Variants in LRFN1 observed in about 807,000 individuals in gnomAD.
LRFN1 encodes the protein leucine-rich repeat and fibronectin type III domain-containing protein 1.
A neutral mutation model predicts 31.8 loss-of-function variants in LRFN1; 20 were observed. The ratio of observed to expected loss-of-function variants is 0.63; its 90% CI spans 0.44 to 0.91. The LOEUF (loss-of-function observed/expected upper bound fraction) is 0.91, where lower values mean the gene tolerates loss of function less well. Among genes scored for constraint, LRFN1 ranks in the 40% least tolerant of loss-of-function variants. LRFN1 has a pLI of 0.00. For missense variants in LRFN1, 912 were observed against 1,129.8 expected (o/e 0.81, Z 2.76); for synonymous variants, 514 against 541.3 (o/e 0.95, Z 0.70).
In LRFN1 at chr19:39,314,535, G is replaced by C. The variant is rs777908058; in HGVS notation, c.802C>G (p.Arg268Gly). 2.5e-6 allele frequency: 4 copies of C among 1,609,652 alleles called. No individual in the cohort carries two copies. In the African/African-American group the frequency reaches 5.3e-5, roughly 21 times the overall value. The change falls in exon 4 of 5, where the codon CGC (arginine) becomes GGC (glycine). Residue 268 changes from arginine (R) to glycine (G), a missense_variant. Physicochemically the swap from Arg to Gly is moderately radical, Grantham distance 125. Around this residue, in one of 2 missense-constraint regions of LRFN1, gnomAD observed 401 missense variants for 572.7 expected, o/e 0.70. Coordinates refer to ENST00000248668, the MANE Select transcript of LRFN1 (RefSeq NM_020862.2). Reference sequence around the variant, plus strand: ...GCGCAGGTCTCTAAGTCGTCCTCGCGGGTCAGCCGCCGCAGCCAGAGCAGC... The same window carrying C: ...GCGCAGGTCTCTAAGTCGTCCTCGCCGGTCAGCCGCCGCAGCCAGAGCAGC... Reference protein sequence around the residue: ...CELLWLRRLTREDDLETCATP... With the variant: ...CELLWLRRLTGEDDLETCATP...
Position 39,307,033 on chromosome 19 carries a change from G to A in LRFN1, c.*600C>T, listed in dbSNP as rs1325588621. On this transcript the variant is annotated 3_prime_UTR_variant, in exon 5 of 5. Transcript: ENST00000248668. The surrounding 1 kb of genome is among the most constrained non-coding windows in gnomAD (Gnocchi z 6.7). ...GAGGGCCGAGGGACAAGAGACGACA[G>A]GACAGAGAGAAAGGAGAGGCAAATA... 1.8e-5 allele frequency: 6 copies of A among 342,140 alleles called. No individual in the cohort carries two copies. Among genetic ancestry groups the A allele is most frequent in the Admixed American group, 9.6e-5 (2 of 20,814 alleles). 21.2% of individuals were successfully genotyped at this position (342,140 alleles called of 1,614,324 possible).
Position 39,314,380 on chromosome 19 carries a change from C to T in LRFN1, c.957G>A (p.Leu319=). 1 of 1,591,828 alleles carries T rather than the reference C, an allele frequency of 6.3e-7. No homozygotes were observed. Among genetic ancestry groups the T allele is most frequent in the Non-Finnish European group, 8.5e-7 (1 of 1,171,118 alleles). ...CGGGGTCACCCACCGCTCGGCAGCG[C>T]AGGCTCACCGCCTGGCCTTCCACCA... ...ALVVEGQAVS[L]RCRAVGDPEP... Residue 319 remains leucine, a synonymous_variant, in exon 4 of 5, where the codon CTG becomes CTA. Transcript: ENST00000248668.
At chr19:39,310,018 C>T (rs1380344829) in intron 4 of LRFN1, among the ~76,000 whole-genome samples, 4 of 152,144 alleles carry the variant, frequency 2.6e-5, no homozygotes, top group South Asian at 2.1e-4. Flanking sequence ...AGTACAATGA[C>T]GCGATCTCGG....
intron 4 of LRFN1, among the ~76,000 whole-genome samples, chr19:39,310,118 T>C (rs1192703918): frequency 6.6e-6 from 1 of 152,068 alleles, no homozygotes; most frequent in African/African-American, 2.4e-5. Context: ...CCACCACACC[T>C]GGCTAATTTT....
Position 39,307,927 on chromosome 19 carries a change from GGATCGGCTCCTTCGA to G in LRFN1, c.2007_2021del (p.Arg670_Ser674del), listed in dbSNP as rs1370213741. On this transcript the variant is annotated inframe_deletion, in exon 5 of 5. Transcript: ENST00000248668. This position sits in a 1 kb window ranked among gnomAD's most constrained non-coding sequence, Gnocchi z 6.7. Reference sequence around the variant, plus strand: ...CCGAGGTTGGTGGCTCCAGGGCGCCGGATCGGCTCCTTCGAGGGCCCACCGCGGCCCGAGACTCCT... The same window carrying G: ...CCGAGGTTGGTGGCTCCAGGGCGCCGGGGCCCACCGCGGCCCGAGACTCCT... 2.7e-5 allele frequency: 43 copies of G among 1,568,622 alleles called. No homozygotes were observed. Among genetic ancestry groups the G allele is most frequent in the Non-Finnish European group, 3.5e-5 (41 of 1,165,200 alleles).
In LRFN1 at chr19:39,314,389, C is replaced by A. The variant is rs369189450; in HGVS notation, c.948G>T (p.Ala316=). 2.1e-5 allele frequency: 34 copies of A among 1,594,818 alleles called. No individual in the cohort carries two copies. In the African/African-American group the frequency reaches 3.1e-4, roughly 14 times the overall value. The part of the protein sequence containing the change: ...GGRALVVEGQ[A]VSLRCRAVGD... The stretch of plus-strand genomic sequence containing the variant: ...CCACCGCTCGGCAGCGCAGGCTCAC[C>A]GCCTGGCCTTCCACCACCAGGGCCC... The change falls in exon 4 of 5, where the codon GCG becomes GCT. Residue 316 remains alanine, a synonymous_variant. Transcript: ENST00000248668.
chr19:39,308,035 G>T lies in LRFN1; in HGVS notation c.1914C>A (p.Val638=). The T allele has an allele frequency of 6.5e-7, 1 of 1,543,088 alleles. No individual in the cohort carries two copies. Reference sequence around the variant, plus strand: ...CCGAGCCGCCCAGAGAACGTCCAAGGACCACCTCCGGCTCCGCGGATGCCG... The same window carrying T: ...CCGAGCCGCCCAGAGAACGTCCAAGTACCACCTCCGGCTCCGCGGATGCCG... ...AETASAEPEV[V]LGRSLGGSAT... The change falls in exon 5 of 5, where the codon GTC becomes GTA. Residue 638 remains valine (V), a synonymous_variant. Coordinates refer to ENST00000248668, the MANE Select transcript of LRFN1 (RefSeq NM_020862.2). The surrounding 1 kb of genome is among the most constrained non-coding windows in gnomAD (Gnocchi z 6.2).
intron 4 of LRFN1, among the ~76,000 whole-genome samples, chr19:39,313,102 G>A (rs1247039721): frequency 7.2e-5 from 11 of 152,184 alleles, no homozygotes; most frequent in Admixed American, 7.2e-4. Flanking sequence ...CGTATGGTCT[G>A]TCCCCACCAG....
chr19:39,318,447 A>C (rs377551785), intron 1 of LRFN1, 89 bp from the exon 2 acceptor site: 8 of 152,380 alleles, frequency 5.3e-5, no homozygotes, highest in African/African-American at 1.9e-4. Context: ...CGGCCAAGGA[A>C]GTCCCTGGTG....
At position 39,308,506 on chromosome 19, in the gene LRFN1, A is replaced by T; in HGVS notation, c.1443T>A (p.Asn481Lys). Residue 481 changes from asparagine (N) to lysine (K), a missense_variant, in exon 5 of 5, where the codon AAT becomes AAA. By Grantham distance (94) the Asn-to-Lys change is moderately conservative. Coordinates refer to ENST00000248668, the MANE Select transcript of LRFN1 (RefSeq NM_020862.2). This position sits in a 1 kb window ranked among gnomAD's most constrained non-coding sequence, Gnocchi z 6.2. Reference sequence around the variant, plus strand: ...CGTAGGCACGGCCCGCCGCCAGGTCATTCACCAGGAAGGTCTGACTGGTGG... The same window carrying T: ...CGTAGGCACGGCCCGCCGCCAGGTCTTTCACCAGGAAGGTCTGACTGGTGG... Reference protein sequence around the residue: ...IPSTSQTFLVNDLAAGRAYDL... With the variant: ...IPSTSQTFLVKDLAAGRAYDL... The T allele has an allele frequency of 1.9e-6, 3 of 1,561,428 alleles. No individual in the cohort carries two copies. Among genetic ancestry groups the T allele is most frequent in the Non-Finnish European group, 2.6e-6 (3 of 1,155,574 alleles).
chr19:39,315,447 G>T lies in LRFN1; in HGVS notation c.-37-74C>A. ...GGATGTCCTGCTACGAGTCAGGCCT[G>T]GATCCCTCCCCTACCGCCTACAGCT... On this transcript the variant is annotated intron_variant, in intron 3 of 4. Transcript: ENST00000248668. The surrounding 1 kb of genome is among the most constrained non-coding windows in gnomAD (Gnocchi z 4.7). 1 of 1,017,376 alleles carries T rather than the reference G, an allele frequency of 9.8e-7. No homozygotes were observed. The highest frequency in any genetic ancestry group is 1.4e-6 in the Non-Finnish European group (1 of 723,204). 63.0% of individuals were successfully genotyped at this position (1,017,376 alleles called of 1,614,324 possible). A position where few individuals can be genotyped will look rare whatever the true frequency, so the allele number is the denominator to read the frequency against.
chr19:39,309,289 A>G (rs2075142074), intron 4 of LRFN1, among the ~76,000 whole-genome samples: 1 of 151,944 alleles, frequency 6.6e-6, no homozygotes. Flanking sequence ...CCCTGTCTCT[A>G]TTAAAAATAC....
intron 2 of LRFN1, among the ~76,000 whole-genome samples, chr19:39,317,147 C>T (rs1328584114): frequency 6.6e-6 from 1 of 151,460 alleles, no homozygotes; most frequent in Non-Finnish European, 1.5e-5. Context: ...AGACAGAAAA[C>T]TGAGAGTGAA....
intron 1 of LRFN1, among the ~76,000 whole-genome samples, chr19:39,319,497 C>T (rs2075181425): frequency 6.6e-6 from 1 of 152,072 alleles, no homozygotes; most frequent in African/African-American, 2.4e-5. Context: ...CACACTGGAA[C>T]ACGCACACAG....
Position 39,315,112 on chromosome 19 carries a change from G to A in LRFN1, c.225C>T (p.Asn75=), listed in dbSNP as rs750554843. 1 of 1,593,954 alleles carries A rather than the reference G, an allele frequency of 6.3e-7. No homozygotes were observed. Among genetic ancestry groups the A allele is most frequent in the South Asian group, 1.1e-5 (1 of 89,872 alleles). Residue 75 remains asparagine (N), a synonymous_variant, in exon 4 of 5, where the codon AAC becomes AAT. Coordinates refer to ENST00000248668, the MANE Select transcript of LRFN1 (RefSeq NM_020862.2). The surrounding 1 kb of genome is among the most constrained non-coding windows in gnomAD (Gnocchi z 4.7). ...CTCGGCGGCGCACGGCGGCGATGAA[G>A]TTGTCGGTGAGCCGCAGCTCCACCA... ...RRVVELRLTD[N]FIAAVRRRDF...
intron 2 of LRFN1, among the ~76,000 whole-genome samples, chr19:39,316,808 T>A (rs2075173517): frequency 6.6e-6 from 1 of 152,044 alleles, no homozygotes; most frequent in South Asian, 2.1e-4. Flanking sequence ...GACATGTCAG[T>A]TCCCATCACA....
Position 39,313,981 on chromosome 19 carries a change from G to T in LRFN1, c.1356C>A (p.Arg452=), listed in dbSNP as rs1376459004. The T allele has an allele frequency of 6.2e-7, 1 of 1,608,794 alleles. No homozygotes were observed. Among genetic ancestry groups the T allele is most frequent in the Non-Finnish European group, 8.5e-7 (1 of 1,178,392 alleles). The change falls in exon 4 of 5, where the codon CGC becomes CGA. Residue 452 remains arginine (R), a synonymous_variant. Transcript: ENST00000248668. ...AACTGTTGTACTGAACCTGGTACAT[G>T]CGTATTCCGGGCACAGGCCTCTGGG... ...WPAQRPVPGI[R]MYQVQYNSSV...
chr19:39,307,600 C>G lies in LRFN1; in HGVS notation c.*33G>C. On this transcript the variant is annotated 3_prime_UTR_variant, in exon 5 of 5. Transcript: ENST00000248668. The surrounding 1 kb of genome is among the most constrained non-coding windows in gnomAD (Gnocchi z 6.7). ...TCCGTGCGGCTGGGCGTTTGGTCTG[C>G]GGCACCCAGGCGTCCCGGCGCCCGC... 1 of 1,376,788 alleles carries G rather than the reference C, an allele frequency of 7.3e-7. No individual in the cohort carries two copies. Among genetic ancestry groups the G allele is most frequent in the Non-Finnish European group, 9.3e-7 (1 of 1,072,432 alleles). The allele number at this position is 1,376,788 out of a possible 1,614,324, so 85.3% of individuals were successfully genotyped here.
At position 39,307,900 on chromosome 19, in the gene LRFN1, C is replaced by T; in HGVS notation, c.2049G>A (p.Ala683=). The change falls in exon 5 of 5, where the codon GCG becomes GCA. Residue 683 remains alanine, a synonymous_variant. Transcript: ENST00000248668. The surrounding 1 kb of genome is among the most constrained non-coding windows in gnomAD (Gnocchi z 6.7). ...RSGALEPPTS[A]PPTLALVPGG... ...CAGGAACTAGAGCTAGAGTAGGGGG[C>T]GCCGAGGTTGGTGGCTCCAGGGCGC... The T allele has an allele frequency of 6.4e-7, 1 of 1,564,916 alleles. No individual in the cohort carries two copies. The highest frequency in any genetic ancestry group is 8.6e-7 in the Non-Finnish European group (1 of 1,162,556).
Sources: allele counts gnomAD v4.1 joint callset (sites outside exome capture counted in the v4.1 genomes callset), GRCh38; gene constraint gnomAD v4.1.1; regional missense constraint gnomAD v4.1.1; non-coding constraint Gnocchi (gnomAD v3.1); transcripts MANE v1.5; gene names NCBI Gene and HGNC (gene_info 2026-07-23, HGNC 2026-07-21).